The following GLRA1 variants were observed in gnomAD, a reference collection of about 807,000 sequenced individuals.
The protein encoded by GLRA1 is glycine receptor subunit alpha-1.
In GLRA1, 37 loss-of-function variants were observed where a neutral mutation model predicts 48.3. The ratio of observed to expected loss-of-function variants is 0.77; its 90% CI spans 0.59 to 1.01. The LOEUF (loss-of-function observed/expected upper bound fraction) is 1.01. Among genes scored for constraint, GLRA1 ranks in the 50% least tolerant of loss-of-function variants. The probability of loss-of-function intolerance (pLI) is 0.00; values close to 1 mark genes in which losing one functional copy is unlikely to be tolerated. For synonymous variants in GLRA1, 196 were observed against 210.7 expected (o/e 0.93, Z 0.60); for missense variants, 427 against 571.0 (o/e 0.75, Z 2.57).
intron 1 of GLRA1, among the ~76,000 whole-genome samples, chr5:151,905,339 C>T (rs1264034492): frequency 6.6e-6 from 1 of 151,606 alleles, no homozygotes; most frequent in East Asian, 1.9e-4. Flanking sequence ...AGTGTTGTTT[C>T]CTCTTTATTT....
chr5:151,860,588 A>G (rs1753170706), intron 3 of GLRA1, among the ~76,000 whole-genome samples: 1 of 152,226 alleles, frequency 6.6e-6, no homozygotes, highest in South Asian at 2.1e-4. Context: ...GGGCGGAAGA[A>G]TTCTGTAGTG....
intron 4 of GLRA1, 148 bp downstream of exon 4, chr5:151,859,637 C>T: frequency 1.5e-6 from 1 of 663,004 alleles, no homozygotes; most frequent in Middle Eastern, 4.0e-4. Flanking sequence ...GTATAAGTTA[C>T]AGAGCTGGGT....
At chr5:151,867,146 T>C (rs1753359489) in intron 3 of GLRA1, among the ~76,000 whole-genome samples, 1 of 152,038 alleles carries the variant, frequency 6.6e-6, no homozygotes. Flanking sequence ...AATAAATAAA[T>C]ACTTTTAACA....
intron 3 of GLRA1, among the ~76,000 whole-genome samples, chr5:151,885,966 C>T (rs987368229): frequency 2.6e-5 from 4 of 151,894 alleles, no homozygotes; most frequent in African/African-American, 7.3e-5. Flanking sequence ...GTGGATGTTC[C>T]GAAATGGATA....
intron 8 of GLRA1, among the ~76,000 whole-genome samples, chr5:151,827,877 G>T (rs1404662454): frequency 6.6e-6 from 1 of 151,964 alleles, no homozygotes; most frequent in East Asian, 1.9e-4. Flanking sequence ...GCTTTTAATG[G>T]CAAAAACTGC....
chr5:151,830,590 C>T (rs1561546648), intron 7 of GLRA1, among the ~76,000 whole-genome samples: 1 of 152,170 alleles, frequency 6.6e-6, no homozygotes, highest in Non-Finnish European at 1.5e-5. Context: ...TGTAAACTGC[C>T]TCACAGAATG....
At chr5:151,913,823 A>G (rs896933457) in intron 1 of GLRA1, among the ~76,000 whole-genome samples, 1 of 152,168 alleles carries the variant, frequency 6.6e-6, no homozygotes, top group Admixed American at 6.5e-5. Flanking sequence ...GAATAATAGT[A>G]TATGATTTAT....
At chr5:151,866,546 C>A (rs543743893) in intron 3 of GLRA1, among the ~76,000 whole-genome samples, 1 of 152,256 alleles carries the variant, frequency 6.6e-6, no homozygotes, top group South Asian at 2.1e-4. Flanking sequence ...CAGTCAGAAC[C>A]AAGAGACATT....
intron 1 of GLRA1, among the ~76,000 whole-genome samples, chr5:151,917,107 T>C (rs1754760046): frequency 6.6e-6 from 1 of 152,230 alleles, no homozygotes; most frequent in African/African-American, 2.4e-5. Flanking sequence ...ATTTATCCCC[T>C]CTACATCTGC....
At chr5:151,874,263 A>G (rs891911513) in intron 3 of GLRA1, among the ~76,000 whole-genome samples, 1 of 152,124 alleles carries the variant, frequency 6.6e-6, no homozygotes, top group African/African-American at 2.4e-5. Flanking sequence ...GAGATGAAAG[A>G]CCAATAAATA....
intron 7 of GLRA1, among the ~76,000 whole-genome samples, chr5:151,830,707 C>T (rs1228723931): frequency 6.6e-6 from 1 of 151,844 alleles, no homozygotes; most frequent in Non-Finnish European, 1.5e-5. Flanking sequence ...GCAGAGACTT[C>T]AGTAGTCCCA....
chr5:151,896,305 A>G (rs551671412), intron 1 of GLRA1, among the ~76,000 whole-genome samples: 3 of 152,246 alleles, frequency 2.0e-5, no homozygotes, highest in Non-Finnish European at 2.9e-5. Flanking sequence ...ACTGGCTCCA[A>G]GTCACACAGC....
intron 1 of GLRA1, among the ~76,000 whole-genome samples, chr5:151,909,090 C>T (rs1283353521): frequency 6.6e-6 from 1 of 152,096 alleles, no homozygotes; most frequent in African/African-American, 2.4e-5. Context: ...AAGTTTCTGG[C>T]ATATAGTAGG....
intron 7 of GLRA1, chr5:151,848,971 G>A: frequency 1.4e-6 from 1 of 714,572 alleles, no homozygotes; most frequent in Non-Finnish European, 2.6e-6. Flanking sequence ...TCCAGGCCAT[G>A]TATGTCTGGA....
chr5:151,854,597 T>G (rs1165388823), intron 6 of GLRA1, among the ~76,000 whole-genome samples: 1 of 152,230 alleles, frequency 6.6e-6, no homozygotes, highest in Non-Finnish European at 1.5e-5. Flanking sequence ...TGACCTCTCA[T>G]AGCTCACAGG....
rs544920465 is a variant in GLRA1 at position 151,860,315 on chromosome 5, A to G, written c.253-307T>C. Among the ~76,000 whole-genome samples the G allele has an allele frequency of 3.7e-4, 56 of 152,328 alleles. 2 individuals carry two copies. In the South Asian group the frequency reaches 0.011, roughly 30 times the overall value. On this transcript the variant is annotated intron_variant, in intron 3 of 8. Coordinates refer to ENST00000274576, the MANE Select transcript of GLRA1 (RefSeq NM_000171.4). ...AAATTCAAAGATGGATGTAATGAAC[A>G]CTTGTTTTCATCATCCTGTTAATAT... is the stretch of plus-strand genomic sequence containing the variant.
chr5:151,835,958 AG>A (rs1193179003), intron 7 of GLRA1, among the ~76,000 whole-genome samples: 1 of 152,232 alleles, frequency 6.6e-6, no homozygotes, highest in Non-Finnish European at 1.5e-5. Flanking sequence ...AGTGCTGGCC[AG>A]GGCAGTCAGG....
chr5:151,897,794 C>A (rs1200256371), intron 1 of GLRA1, among the ~76,000 whole-genome samples: 5 of 152,186 alleles, frequency 3.3e-5, no homozygotes, highest in African/African-American at 1.2e-4. Flanking sequence ...ATTTTAGTTT[C>A]TTTGTGAGTG....
At chr5:151,899,794 A>G (rs911857803) in intron 1 of GLRA1, among the ~76,000 whole-genome samples, 1 of 152,216 alleles carries the variant, frequency 6.6e-6, no homozygotes, top group Middle Eastern at 3.4e-3. Flanking sequence ...ACAGAATGTC[A>G]CAGTTGGCAT....
Sources: allele counts gnomAD v4.1 joint callset (sites outside exome capture counted in the v4.1 genomes callset), GRCh38; gene constraint gnomAD v4.1.1; transcripts MANE v1.5; gene names NCBI Gene and HGNC (gene_info 2026-07-23, HGNC 2026-07-21).